Variants in DCC observed in about 807,000 individuals in gnomAD.
DCC encodes netrin receptor DCC.
A neutral mutation model predicts 172.5 loss-of-function variants in DCC; 58 were observed. That is an observed-to-expected ratio of 0.34 (90% CI 0.27 to 0.42). The LOEUF (loss-of-function observed/expected upper bound fraction) is 0.42. DCC is among the 10% of genes least tolerant of loss of function. The pLI is 1.00. For missense variants in DCC, 1,740 were observed against 1,791.0 expected (o/e 0.97, Z 0.51); for synonymous variants, 709 against 644.5 (o/e 1.10, Z -1.52).
intron 7 of DCC, among the ~76,000 whole-genome samples, chr18:53,095,925 AC>A (rs1160653309): frequency 2.0e-5 from 3 of 151,816 alleles, no homozygotes; most frequent in African/African-American, 7.3e-5. Flanking sequence ...GCATGAATAC[AC>A]AGAAATGTGC....
intron 3 of DCC, among the ~76,000 whole-genome samples, chr18:52,915,626 A>G (rs1348277289): frequency 6.6e-6 from 1 of 152,164 alleles, no homozygotes; most frequent in Non-Finnish European, 1.5e-5. Flanking sequence ...GTCAGGTTAT[A>G]TGATCCATGA....
chr18:53,312,296 G>A (rs1291663500), intron 13 of DCC, among the ~76,000 whole-genome samples: 7 of 134,702 alleles, frequency 5.2e-5, no homozygotes, highest in Non-Finnish European at 1.1e-4. Flanking sequence ...AGCCGAGATT[G>A]CGCCACTGCC....
chr18:53,482,964 A>G (rs1269193295), intron 25 of DCC, among the ~76,000 whole-genome samples: 3 of 151,962 alleles, frequency 2.0e-5, no homozygotes, highest in Admixed American at 6.6e-5. Context: ...AGAGTAAATC[A>G]TATATCAAGT....
intron 2 of DCC, among the ~76,000 whole-genome samples, chr18:52,877,573 G>A (rs1778027418): frequency 6.6e-6 from 1 of 152,064 alleles, no homozygotes; most frequent in East Asian, 1.9e-4. Flanking sequence ...CAGGCATGGT[G>A]GTGTGCACCT....
chr18:52,347,609 G>T (rs1219807101), intron 1 of DCC, among the ~76,000 whole-genome samples: 2 of 152,016 alleles, frequency 1.3e-5, no homozygotes, highest in Non-Finnish European at 1.5e-5. Context: ...CTCTCTTTTA[G>T]TTTTGATGTT....
At chr18:52,553,746 G>A (rs1227651226) in intron 1 of DCC, among the ~76,000 whole-genome samples, 1 of 152,032 alleles carries the variant, frequency 6.6e-6, no homozygotes, top group African/African-American at 2.4e-5. Context: ...AAAGGATGCT[G>A]TTTGTGCTGG....
At chr18:52,702,646 T>C (rs770370331) in intron 1 of DCC, among the ~76,000 whole-genome samples, 2 of 152,180 alleles carry the variant, frequency 1.3e-5, no homozygotes, top group Non-Finnish European at 2.9e-5. Context: ...TTCCATCTAG[T>C]ACAGAACTGT....
intron 2 of DCC, among the ~76,000 whole-genome samples, chr18:52,792,475 G>A (rs527373811): frequency 6.6e-6 from 1 of 152,116 alleles, no homozygotes; most frequent in East Asian, 1.9e-4. Flanking sequence ...AACACTCAGG[G>A]GTAGCCCCAG....
intron 7 of DCC, among the ~76,000 whole-genome samples, chr18:53,080,299 G>A (rs1347238121): frequency 6.6e-6 from 1 of 152,064 alleles, no homozygotes; most frequent in Admixed American, 6.6e-5. Context: ...GAGGAAGAAT[G>A]ACTTAAGTCC....
chr18:53,268,667 G>C (rs527668345), intron 12 of DCC, among the ~76,000 whole-genome samples: 1 of 152,130 alleles, frequency 6.6e-6, no homozygotes, highest in Non-Finnish European at 1.5e-5. Context: ...AATCTCACAA[G>C]TTTAAAATGG....
At chr18:52,821,625 G>A (rs1018534096) in intron 2 of DCC, among the ~76,000 whole-genome samples, 1 of 152,142 alleles carries the variant, frequency 6.6e-6, no homozygotes, top group African/African-American at 2.4e-5. Flanking sequence ...CTGCATCTTG[G>A]GAAATCCAAT....
At chr18:52,998,747 A>G (rs2041521092) in intron 5 of DCC, among the ~76,000 whole-genome samples, 1 of 152,024 alleles carries the variant, frequency 6.6e-6, no homozygotes, top group Non-Finnish European at 1.5e-5. Flanking sequence ...GAATGTGTAC[A>G]TTGTTTTTCC....
chr18:52,988,362 A>G (rs1221388667), intron 5 of DCC, among the ~76,000 whole-genome samples: 2 of 152,198 alleles, frequency 1.3e-5, no homozygotes, highest in African/African-American at 2.4e-5. Flanking sequence ...TTATACTGAA[A>G]CATCCAAATG....
chr18:52,497,511 A>C (rs2144619092), intron 1 of DCC, among the ~76,000 whole-genome samples: 2 of 144,344 alleles, frequency 1.4e-5, no homozygotes, highest in South Asian at 2.2e-4. Context: ...TGCTTGATAT[A>C]GTTTTCTTTC....
intron 1 of DCC, among the ~76,000 whole-genome samples, chr18:52,749,864 C>A (rs1488588980): frequency 6.6e-6 from 1 of 152,176 alleles, no homozygotes; most frequent in Admixed American, 6.5e-5. Context: ...AATATAGTTG[C>A]CTGCTCTTGA....
intron 2 of DCC, among the ~76,000 whole-genome samples, chr18:52,863,148 A>G (rs1211952152): frequency 6.6e-6 from 1 of 152,010 alleles, no homozygotes; most frequent in Non-Finnish European, 1.5e-5. Flanking sequence ...AACTTTTAAA[A>G]ACCTTTAGCC....
chr18:53,236,679 T>C (rs11660990), intron 12 of DCC, among the ~76,000 whole-genome samples: 53,875 of 151,888 alleles, frequency 0.35, 10,304 homozygotes, highest in East Asian at 0.6. Context: ...TACCCCAAGG[T>C]ATAAAGATAT....
chr18:53,235,226 C>G (rs1476832107), intron 12 of DCC, among the ~76,000 whole-genome samples: 1 of 152,022 alleles, frequency 6.6e-6, no homozygotes, highest in Non-Finnish European at 1.5e-5. Context: ...TAATGCCTGC[C>G]CATCATGTCT....
At chr18:52,755,371 A>C (rs1262043177) in intron 2 of DCC, among the ~76,000 whole-genome samples, 1 of 152,228 alleles carries the variant, frequency 6.6e-6, no homozygotes, top group Non-Finnish European at 1.5e-5. Context: ...AATGAAGAAG[A>C]GTTCCTTCGC....
Sources: allele counts gnomAD v4.1 joint callset (sites outside exome capture counted in the v4.1 genomes callset), GRCh38; gene constraint gnomAD v4.1.1; transcripts MANE v1.5; gene names NCBI Gene and HGNC (gene_info 2026-07-23, HGNC 2026-07-21).